GDPD4: variants seen among roughly 807,000 people sequenced by gnomAD.
The protein encoded by GDPD4 is glycerophosphodiester phosphodiesterase 6.
In GDPD4, 60 loss-of-function variants were observed where a neutral mutation model predicts 67.8. The ratio of observed to expected loss-of-function variants is 0.88; its 90% CI spans 0.72 to 1.10. GDPD4 has a LOEUF of 1.10. Ranked by LOEUF, GDPD4 falls within the 50% of genes least tolerant of loss-of-function variation. The probability of loss-of-function intolerance (pLI) is 0.00; values close to 1 mark genes in which losing one functional copy is unlikely to be tolerated. For missense variants in GDPD4, 623 were observed against 613.9 expected, an observed-to-expected ratio of 1.01 and a Z score of -0.16; for synonymous variants, 212 against 210.9, an observed-to-expected ratio of 1.00 and a Z score of -0.04.
chr11:77,261,445 C>T (rs1321740189), intron 10 of GDPD4, among the ~76,000 whole-genome samples: 3 of 151,862 alleles, frequency 2.0e-5, no homozygotes, highest in African/African-American at 7.3e-5. Context: ...ACCATGTTGG[C>T]CAGGCTGGTC....
Position 77,258,423 on chromosome 11 carries a change from G to T in GDPD4, c.827C>A (p.Ser276Ter). The T allele has an allele frequency of 6.2e-7, 1 of 1,614,124 alleles. No individual in the cohort carries two copies. The highest frequency in any genetic ancestry group is 1.7e-5 in the Admixed American group (1 of 60,018). Residue 276 changes from serine to a stop codon, truncating the protein, a stop_gained, in exon 11 of 17, where the codon TCG becomes TAG. Coordinates refer to ENST00000315938, the MANE Select transcript of GDPD4 (RefSeq NM_182833.3). LOFTEE classifies it high-confidence loss of function. ...AAACCATTTGCCTGCATTCAGAGTCGATAGGAAATCCCAGTTGAAGAAGGC... is the reference window on the plus strand; with the variant it reads ...AAACCATTTGCCTGCATTCAGAGTCTATAGGAAATCCCAGTTGAAGAAGGC... The part of the protein sequence containing the change: ...NPAFFNWDFL[S>*]TLNAGKWFVK...
chr11:77,267,141 G>T (rs1240964324), intron 10 of GDPD4, among the ~76,000 whole-genome samples: 1 of 152,156 alleles, frequency 6.6e-6, no homozygotes, highest in Non-Finnish European at 1.5e-5. Flanking sequence ...TTTAGATACA[G>T]AAATACCTAC....
rs753159729 is a variant in GDPD4, at chr11:77,217,282, T to TATC, written c.1555_1557dup (p.Asp519dup). 2 of 1,607,712 alleles carry TATC rather than the reference T, an allele frequency of 1.2e-6. No individual in the cohort carries two copies. Among genetic ancestry groups the TATC allele is most frequent in the South Asian group, 1.1e-5 (1 of 90,932 alleles). On this transcript the variant is annotated inframe_insertion, in exon 17 of 17. Coordinates refer to ENST00000315938, the MANE Select transcript of GDPD4 (RefSeq NM_182833.3). ...CTATGTGCAAATCTATCTATCTATCTATCTTCCTCATTCTTACTTCCACTC... is the reference window on the plus strand; with the variant it reads ...CTATGTGCAAATCTATCTATCTATCTATCATCTTCCTCATTCTTACTTCCACTC...
chr11:77,291,556 G>A (rs1281605401), intron 1 of GDPD4, among the ~76,000 whole-genome samples: 5 of 152,068 alleles, frequency 3.3e-5, no homozygotes, highest in African/African-American at 1.2e-4. Context: ...TTTTCAAAGC[G>A]ATAGATATCC....
chr11:77,229,560 G>T (rs540217863), intron 14 of GDPD4, among the ~76,000 whole-genome samples: 15 of 152,310 alleles, frequency 9.8e-5, no homozygotes, highest in African/African-American at 3.4e-4. Context: ...CCACAGTCCA[G>T]GTTCTTGACT....
chr11:77,276,909 C>A (rs1959494499), intron 4 of GDPD4, among the ~76,000 whole-genome samples: 1 of 151,482 alleles, frequency 6.6e-6, no homozygotes, highest in African/African-American at 2.4e-5. Context: ...TATTATCATT[C>A]TTATTTGAAA....
chr11:77,241,239 T>C (rs1380624029), intron 13 of GDPD4, among the ~76,000 whole-genome samples: 1 of 152,194 alleles, frequency 6.6e-6, no homozygotes, highest in African/African-American at 2.4e-5. Flanking sequence ...AAAGGAATAC[T>C]ATTCAGCCTT....
At chr11:77,296,886 T>C (rs1309384185) in intron 1 of GDPD4, among the ~76,000 whole-genome samples, 1 of 150,036 alleles carries the variant, frequency 6.7e-6, no homozygotes, top group Non-Finnish European at 1.5e-5. Context: ...AAACTCCGTC[T>C]CTACTAAAAA....
intron 16 of GDPD4, among the ~76,000 whole-genome samples, chr11:77,220,600 G>A (rs149359168): frequency 0.013 from 1,971 of 152,232 alleles, 15 homozygotes; most frequent in Middle Eastern, 0.017. Context: ...TGCTGGATTC[G>A]GTTTGCCAGT....
chr11:77,220,242 A>G (rs921119124), intron 16 of GDPD4, among the ~76,000 whole-genome samples: 2 of 152,170 alleles, frequency 1.3e-5, no homozygotes, highest in African/African-American at 2.4e-5. Context: ...TTCCAACACT[A>G]TGTTGAATAG....
chr11:77,275,182 AAT>A (rs1217023524), intron 5 of GDPD4, among the ~76,000 whole-genome samples: 6 of 152,208 alleles, frequency 3.9e-5, no homozygotes, highest in African/African-American at 1.2e-4. Flanking sequence ...GGATCCCACA[AAT>A]ATGTCTAATT....
At chr11:77,247,520 T>A (rs1226962563) in intron 11 of GDPD4, among the ~76,000 whole-genome samples, 1 of 152,106 alleles carries the variant, frequency 6.6e-6, no homozygotes, top group Non-Finnish European at 1.5e-5. Flanking sequence ...ATCAGAAAAA[T>A]AAACTGGAAT....
At chr11:77,219,860 CT>C (rs1958194674) in intron 16 of GDPD4, among the ~76,000 whole-genome samples, 1 of 152,030 alleles carries the variant, frequency 6.6e-6, no homozygotes, top group Non-Finnish European at 1.5e-5. Context: ...TTGGCAATGC[CT>C]TGTAAGTTGG....
chr11:77,233,320 G>A (rs964684043), intron 13 of GDPD4, 148 bp from the exon 14 acceptor site: 3 of 680,986 alleles, frequency 4.4e-6, no homozygotes, highest in South Asian at 1.8e-5. Context: ...CGATGTGACA[G>A]AATGGGCTCA....
chr11:77,263,133 T>C (rs1753870581), intron 10 of GDPD4, among the ~76,000 whole-genome samples: 1 of 151,952 alleles, frequency 6.6e-6, no homozygotes, highest in Admixed American at 6.6e-5. Flanking sequence ...ATTAAAATAA[T>C]TATTAGACAA....
chr11:77,266,350 G>A (rs540163029), intron 10 of GDPD4, among the ~76,000 whole-genome samples: 10 of 152,184 alleles, frequency 6.6e-5, no homozygotes, highest in South Asian at 6.2e-4. Context: ...TACATTACTC[G>A]TATGTTTATG....
chr11:77,277,986 G>T (rs927049461), intron 4 of GDPD4, among the ~76,000 whole-genome samples: 4 of 150,586 alleles, frequency 2.7e-5, no homozygotes, highest in African/African-American at 9.8e-5. Context: ...CCTTCATTTC[G>T]TTATGTACCC....
intron 7 of GDPD4, among the ~76,000 whole-genome samples, chr11:77,270,607 G>A (rs532070239): frequency 6.6e-6 from 1 of 152,298 alleles, no homozygotes; most frequent in African/African-American, 2.4e-5. Flanking sequence ...TACTTGGGAG[G>A]CTGAGGCTGG....
chr11:77,276,339 T>C (rs773137593), intron 4 of GDPD4, 119 bp from the exon 5 acceptor site: 8 of 760,688 alleles, frequency 1.1e-5, no homozygotes, highest in Admixed American at 4.1e-5. Flanking sequence ...TTTCTTGCTA[T>C]ACCTGTACTT....
Sources: gnomAD v4.1 joint callset for allele counts (sites outside exome capture counted in the v4.1 genomes callset) on GRCh38, gnomAD v4.1.1 for gene constraint, MANE v1.5 for transcripts, NCBI Gene and HGNC (gene_info 2026-07-23, HGNC 2026-07-21) for gene names.